DIAPH3: variants seen among roughly 807,000 people sequenced by gnomAD.
DIAPH3 encodes diaphanous related formin 3, also known as protein diaphanous homolog 3.
DIAPH3 carries 117 observed loss-of-function variants against 144.3 expected under a neutral mutation model. That is an observed-to-expected ratio of 0.81 (90% confidence interval 0.70 to 0.95). DIAPH3 has a LOEUF of 0.95. Among genes scored for constraint, DIAPH3 ranks in the 40% least tolerant of loss-of-function variants. The probability of loss-of-function intolerance (pLI) is 0.00; values close to 1 mark genes in which losing one functional copy is unlikely to be tolerated. For synonymous variants in DIAPH3, 519 were observed against 488.9 expected, an observed-to-expected ratio of 1.06 and a Z score of -0.81; for missense variants, 1,421 against 1,412.7, an observed-to-expected ratio of 1.01 and a Z score of -0.09.
At chr13:60,073,756 T>C (rs972224273) in intron 4 of DIAPH3, among the ~76,000 whole-genome samples, 1 of 152,244 alleles carries the variant, frequency 6.6e-6, no homozygotes, top group African/African-American at 2.4e-5. Context: ...TTAAGTTCTG[T>C]AAATAAAAGT....
intron 27 of DIAPH3, among the ~76,000 whole-genome samples, chr13:59,762,050 AT>A (rs2037621792): frequency 8.4e-6 from 1 of 118,990 alleles, no homozygotes; most frequent in Non-Finnish European, 1.7e-5. Flanking sequence ...AAGCGTCAGC[AT>A]CTTTTTTTTT....
At chr13:60,076,115 T>C (rs1449913347) in intron 4 of DIAPH3, among the ~76,000 whole-genome samples, 1 of 152,214 alleles carries the variant, frequency 6.6e-6, no homozygotes, top group Admixed American at 6.5e-5. Flanking sequence ...AGTCTAATCC[T>C]TTTTCTTTGC....
At chr13:59,675,245 A>G (rs2032581458) in intron 27 of DIAPH3, among the ~76,000 whole-genome samples, 1 of 151,990 alleles carries the variant, frequency 6.6e-6, no homozygotes, top group Non-Finnish European at 1.5e-5. Context: ...TAAACATTTT[A>G]AAAATCGAGA....
intron 17 of DIAPH3, among the ~76,000 whole-genome samples, chr13:59,969,272 C>T (rs1051829652): frequency 5.3e-5 from 8 of 152,092 alleles, no homozygotes; most frequent in African/African-American, 1.7e-4. Flanking sequence ...ATGAAAAGAT[C>T]ATATAACCTA....
intron 27 of DIAPH3, among the ~76,000 whole-genome samples, chr13:59,682,561 C>A (rs1053214121): frequency 2.0e-5 from 3 of 152,184 alleles, no homozygotes; most frequent in Middle Eastern, 3.2e-3. Flanking sequence ...GGACACTATT[C>A]TTCTATTAGG....
chr13:59,912,200 CA>C (rs2047029232), intron 19 of DIAPH3, among the ~76,000 whole-genome samples: 1 of 152,074 alleles, frequency 6.6e-6, no homozygotes, highest in Non-Finnish European at 1.5e-5. Flanking sequence ...AAATTTCAGG[CA>C]AAGCCAAACA....
chr13:59,701,975 G>C (rs1255388974), intron 27 of DIAPH3, among the ~76,000 whole-genome samples: 1 of 152,170 alleles, frequency 6.6e-6, no homozygotes, highest in African/African-American at 2.4e-5. Context: ...TGTTAAGTAA[G>C]CCTAGAGCTA....
rs1594136941 is a variant in DIAPH3 at position 59,961,313 on chromosome 13, T to C, written c.2074+8631A>G. 3.3e-5 allele frequency among the ~76,000 whole-genome samples: 5 copies of C among 152,290 alleles called. No individual in the cohort carries two copies. In the South Asian group the frequency reaches 1.0e-3, roughly 32 times the overall value. On this transcript the variant is annotated intron_variant, in intron 17 of 27. Transcript: ENST00000400324. ...AATATGCATTATATAATCCTCACAA[T>C]AACCTCATGATATGGGTATTATGTC...
In DIAPH3 at chr13:59,911,532, G is replaced by C. The variant is rs542264016; in HGVS notation, c.2367+203C>G. 1.2e-4 allele frequency among the ~76,000 whole-genome samples: 19 copies of C among 152,156 alleles called. No homozygotes were observed. The East Asian group carries it at 3.1e-3, about 25-fold the overall frequency. On this transcript the variant is annotated intron_variant, in intron 20 of 27. Coordinates refer to ENST00000400324, the MANE Select transcript of DIAPH3 (RefSeq NM_001042517.2). ...ACATACAATTTTCAAAAGCCCCTTG[G>C]ACTTCACTTAATGCCAGAGTTTCAA... is the stretch of plus-strand genomic sequence containing the variant.
intron 2 of DIAPH3, among the ~76,000 whole-genome samples, chr13:60,132,560 T>C (rs571453482): frequency 1.3e-5 from 2 of 152,196 alleles, no homozygotes; most frequent in South Asian, 4.1e-4. Flanking sequence ...TTAAGCAAAA[T>C]TTTAAAAATA....
At chr13:59,955,641 A>T (rs994119556) in intron 17 of DIAPH3, among the ~76,000 whole-genome samples, 1 of 152,150 alleles carries the variant, frequency 6.6e-6, no homozygotes, top group Non-Finnish European at 1.5e-5. Flanking sequence ...CAGAGGTTGG[A>T]ACAGTTTGGA....
chr13:59,970,770 C>A (rs2050319441), intron 16 of DIAPH3, 82 bp downstream of exon 16: 5 of 1,235,264 alleles, frequency 4.0e-6, no homozygotes, highest in Admixed American at 5.2e-5. Flanking sequence ...TAAATTAAAT[C>A]TCATTAGAAA....
At chr13:60,082,270 T>A (rs1220794416) in intron 4 of DIAPH3, among the ~76,000 whole-genome samples, 1 of 141,686 alleles carries the variant, frequency 7.1e-6, no homozygotes, top group Non-Finnish European at 1.5e-5. Context: ...TAAATAGAAA[T>A]AAAGAATAAG....
chr13:60,151,039 C>T (rs903022726), intron 1 of DIAPH3, among the ~76,000 whole-genome samples: 2 of 150,632 alleles, frequency 1.3e-5, no homozygotes, highest in African/African-American at 4.9e-5. Context: ...GTGTGTGTCC[C>T]ACTGCAATGA....
Position 60,133,246 on chromosome 13 carries a change from T to C in DIAPH3, c.181-257A>G, listed in dbSNP as rs41293430. On this transcript the variant is annotated intron_variant, in intron 1 of 27. Transcript: ENST00000400324. ...AACTCACAAACTAAAAAATTAACTA[T>C]GGTACAATAAATATATTATCCCAAT... 0.037 allele frequency among the ~76,000 whole-genome samples: 5,596 copies of C among 152,152 alleles called. 136 individuals carry two copies. Among genetic ancestry groups the C allele is most frequent in the East Asian group, 0.075 (389 of 5,190 alleles).
intron 25 of DIAPH3, among the ~76,000 whole-genome samples, chr13:59,802,587 G>GT (rs985735968): frequency 1.3e-3 from 167 of 125,538 alleles, no homozygotes; most frequent in African/African-American, 4.7e-3. Context: ...TTACTTCATG[G>GT]TTTTTTTTTA....
chr13:59,801,586 G>A (rs976675134), intron 25 of DIAPH3, among the ~76,000 whole-genome samples: 1 of 152,160 alleles, frequency 6.6e-6, no homozygotes, highest in African/African-American at 2.4e-5. Flanking sequence ...ACTCTAGTCA[G>A]GCAATGGTCT....
At chr13:59,765,626 ATTCAC>A (rs2037828822) in intron 27 of DIAPH3, among the ~76,000 whole-genome samples, 1 of 152,168 alleles carries the variant, frequency 6.6e-6, no homozygotes, top group Non-Finnish European at 1.5e-5. Flanking sequence ...CTGCCAGACC[ATTCAC>A]TTGTAGAAAG....
chr13:59,726,270 T>C (rs923258099), intron 27 of DIAPH3, among the ~76,000 whole-genome samples: 1 of 152,178 alleles, frequency 6.6e-6, no homozygotes, highest in African/African-American at 2.4e-5. Flanking sequence ...ACATATGTCA[T>C]CTTTTATATG....
Sources: allele counts gnomAD v4.1 joint callset (sites outside exome capture counted in the v4.1 genomes callset), GRCh38; gene constraint gnomAD v4.1.1; transcripts MANE v1.5; gene names NCBI Gene and HGNC (gene_info 2026-07-23, HGNC 2026-07-21).